Variants in TLL1 observed in about 807,000 individuals in gnomAD.
TLL1 encodes tolloid-like protein 1.
In TLL1, 49 loss-of-function variants were observed where a neutral mutation model predicts 128.2. That is an observed-to-expected ratio of 0.38 (90% CI 0.30 to 0.48). The LOEUF is 0.48. Among genes scored for constraint, TLL1 ranks in the 20% least tolerant of loss-of-function variants. TLL1 has a pLI of 0.96. For missense variants in TLL1, 1,123 were observed against 1,242.0 expected (o/e 0.90, Z 1.44); for synonymous variants, 454 against 418.8 (o/e 1.08, Z -1.03).
intron 1 of TLL1, among the ~76,000 whole-genome samples, chr4:165,986,537 A>G (rs1177353044): frequency 1.3e-5 from 2 of 152,056 alleles, no homozygotes; most frequent in African/African-American, 2.4e-5. Context: ...CTTTCTCTCA[A>G]AGAAATATTT....
chr4:165,938,097 G>A (rs75676089), intron 1 of TLL1, among the ~76,000 whole-genome samples: 5,491 of 151,978 alleles, frequency 0.036, 298 homozygotes, highest in African/African-American at 0.12. Context: ...TGGATACACA[G>A]TTTGATATGT....
intron 1 of TLL1, among the ~76,000 whole-genome samples, chr4:165,936,208 T>A (rs9685292): frequency 0.15 from 20,395 of 136,546 alleles, 1,470 homozygotes; most frequent in African/African-American, 0.16. Context: ...ATATATATAT[T>A]TTTTTTTCTT....
At chr4:166,040,758 T>C (rs551532891) in intron 10 of TLL1, among the ~76,000 whole-genome samples, 1 of 152,352 alleles carries the variant, frequency 6.6e-6, no homozygotes, top group South Asian at 2.1e-4. Flanking sequence ...TAAAACACAC[T>C]GCTCTGTGTT....
chr4:165,986,409 G>T (rs1166908219), intron 1 of TLL1, among the ~76,000 whole-genome samples: 1 of 151,320 alleles, frequency 6.6e-6, no homozygotes, highest in African/African-American at 2.5e-5. Flanking sequence ...TGTATGACAG[G>T]TTGAAAGTTC....
intron 1 of TLL1, among the ~76,000 whole-genome samples, chr4:165,964,354 A>T (rs1342316796): frequency 6.6e-6 from 1 of 152,242 alleles, no homozygotes; most frequent in African/African-American, 2.4e-5. Flanking sequence ...GAGGATAATT[A>T]TGCATAAAAT....
At chr4:166,006,094 T>C (rs1737413341) in intron 6 of TLL1, among the ~76,000 whole-genome samples, 1 of 151,820 alleles carries the variant, frequency 6.6e-6, no homozygotes, top group African/African-American at 2.4e-5. Flanking sequence ...TAAGATCAAG[T>C]CTTAGTCAAG....
chr4:165,974,350 C>T (rs569569001), intron 1 of TLL1, among the ~76,000 whole-genome samples: 123 of 130,322 alleles, frequency 9.4e-4, no homozygotes, highest in Middle Eastern at 3.5e-3. Flanking sequence ...CCGTTTTAGC[C>T]GGGATGGCCT....
In TLL1 at chr4:166,059,307, A is replaced by G. The variant is rs72974394; in HGVS notation, c.1847-721A>G. ...TAGGAATTAATTATGAACTGTGTACAATGTATGTTCTTTTTACTCAGCTTG... is the reference window on the plus strand; with the variant it reads ...TAGGAATTAATTATGAACTGTGTACGATGTATGTTCTTTTTACTCAGCTTG... On this transcript the variant is annotated intron_variant, in intron 14 of 20. Transcript: ENST00000061240. Among the ~76,000 whole-genome samples the G allele has an allele frequency of 5.0e-3, 764 of 152,234 alleles. 7 individuals are homozygous for G. Among genetic ancestry groups the G allele is most frequent in the African/African-American group, 0.017 (725 of 41,544 alleles).
chr4:165,981,967 C>G (rs1247739786), intron 1 of TLL1, among the ~76,000 whole-genome samples: 1 of 151,948 alleles, frequency 6.6e-6, no homozygotes, highest in African/African-American at 2.4e-5. Flanking sequence ...AGCATGATTT[C>G]AAAGGGAAAC....
intron 9 of TLL1, among the ~76,000 whole-genome samples, chr4:166,031,527 G>A (rs549314012): frequency 4.6e-5 from 7 of 151,672 alleles, no homozygotes; most frequent in East Asian, 2.0e-4. Context: ...ACCACCTCAC[G>A]TGGCTAATTT....
intron 1 of TLL1, among the ~76,000 whole-genome samples, chr4:165,896,690 A>T (rs901280282): frequency 6.6e-6 from 1 of 151,928 alleles, no homozygotes; most frequent in African/African-American, 2.4e-5. Context: ...TCACTGTGTT[A>T]GCCAGGATAG....
chr4:166,055,044 CAT>C (rs762181823), intron 12 of TLL1, 30 bp from the exon 13 acceptor site: 61 of 1,578,022 alleles, frequency 3.9e-5, no homozygotes, highest in Non-Finnish European at 4.9e-5. Context: ...TATCTATAAA[CAT>C]ATATTTTCAC....
At chr4:166,008,177 A>T (rs1737524999) in intron 7 of TLL1, 129 bp downstream of exon 7, 1 of 630,234 alleles carries the variant, frequency 1.6e-6, no homozygotes, top group African/African-American at 1.8e-5. Context: ...AAAGTAGAAA[A>T]ATAATTCATG....
At chr4:166,056,050 A>G (rs566697653) in intron 13 of TLL1, among the ~76,000 whole-genome samples, 5 of 152,242 alleles carry the variant, frequency 3.3e-5, no homozygotes, top group African/African-American at 4.8e-5. Flanking sequence ...GTCATAATTT[A>G]AAGAAGATCA....
intron 18 of TLL1, among the ~76,000 whole-genome samples, chr4:166,085,266 CT>C (rs1307293077): frequency 6.7e-6 from 1 of 149,040 alleles, no homozygotes; most frequent in Non-Finnish European, 1.5e-5. Flanking sequence ...ATTTGGATGC[CT>C]TTTCTTTCTA....
intron 12 of TLL1, among the ~76,000 whole-genome samples, chr4:166,049,768 TTATAC>T (rs1255935926): frequency 6.6e-6 from 1 of 151,430 alleles, no homozygotes; most frequent in African/African-American, 2.4e-5. Flanking sequence ...TTCCTTTTGT[TTATAC>T]TATTATTTCC....
chr4:165,953,642 A>G (rs921682712), intron 1 of TLL1, among the ~76,000 whole-genome samples: 5 of 150,608 alleles, frequency 3.3e-5, no homozygotes, highest in Admixed American at 3.3e-4. Context: ...ATATATATAT[A>G]TATATAAATA....
chr4:165,969,923 G>A (rs1735559580), intron 1 of TLL1, among the ~76,000 whole-genome samples: 1 of 152,014 alleles, frequency 6.6e-6, no homozygotes, highest in Admixed American at 6.6e-5. Flanking sequence ...CCCAGGTAGG[G>A]TCTTAATCTA....
chr4:166,084,014 A>G (rs951314476), intron 18 of TLL1, among the ~76,000 whole-genome samples: 2 of 152,140 alleles, frequency 1.3e-5, no homozygotes, highest in African/African-American at 4.8e-5. Flanking sequence ...ACAGTATGCA[A>G]GGATTCCCTT....
Sources: gnomAD v4.1 joint callset for allele counts (sites outside exome capture counted in the v4.1 genomes callset) on GRCh38, gnomAD v4.1.1 for gene constraint, MANE v1.5 for transcripts, NCBI Gene and HGNC (gene_info 2026-07-23, HGNC 2026-07-21) for gene names.